Variants in TRIM58 observed in about 807,000 individuals in gnomAD.
TRIM58 encodes the protein tripartite motif containing 58.
TRIM58 carries 38 observed loss-of-function variants against 34.1 expected under a neutral mutation model. The observed-to-expected ratio is 1.12, with a 90% CI of 0.86 to 1.46. TRIM58 has a LOEUF of 1.46. TRIM58 is among the 40% of genes most tolerant of loss of function. The pLI is 0.00. For synonymous variants in TRIM58, 273 were observed against 275.7 expected, an observed-to-expected ratio of 0.99 and a Z score of 0.10; for missense variants, 677 against 642.0, an observed-to-expected ratio of 1.05 and a Z score of -0.59.
chr1:247,858,436 C>T (rs1036135678), intron 1 of TRIM58, among the ~76,000 whole-genome samples: 6 of 152,200 alleles, frequency 3.9e-5, no homozygotes, highest in Admixed American at 2.6e-4. Flanking sequence ...ACTTGAATCC[C>T]AGCATGTAGA....
Position 247,876,824 on chromosome 1 carries a change from A to G in TRIM58, c.*335A>G, listed in dbSNP as rs927216556. On this transcript the variant is annotated 3_prime_UTR_variant, in exon 6 of 6. Transcript: ENST00000366481. ...TTCCTTTCAATATCCTTGTATTTCAAATCTTCCATATAAGAATTAGACATG... is the reference window on the plus strand; with the variant it reads ...TTCCTTTCAATATCCTTGTATTTCAGATCTTCCATATAAGAATTAGACATG... 4.2e-5 allele frequency: 11 copies of G among 260,176 alleles called. No homozygotes were observed. Among genetic ancestry groups the G allele is most frequent in the Non-Finnish European group, 7.4e-5 (10 of 135,700 alleles). 16.1% of individuals were successfully genotyped at this position (260,176 alleles called of 1,614,324 possible). A position where few individuals can be genotyped will look rare whatever the true frequency, so the allele number is the denominator to read the frequency against.
intron 5 of TRIM58, among the ~76,000 whole-genome samples, chr1:247,868,694 C>T (rs1296201620): frequency 6.6e-6 from 1 of 152,180 alleles, no homozygotes; most frequent in East Asian, 1.9e-4. Flanking sequence ...CTTGAGTTCA[C>T]TTAATTTCCT....
At chr1:247,857,801 C>G (rs961970643) in intron 1 of TRIM58, 135 bp downstream of exon 1, 105 of 1,152,922 alleles carry the variant, frequency 9.1e-5, no homozygotes, top group Non-Finnish European at 1.1e-4. Flanking sequence ...CGCCGTCCCC[C>G]CCGCCCACGC....
At chr1:247,861,260 C>G (rs1663787224) in intron 2 of TRIM58, among the ~76,000 whole-genome samples, 1 of 151,792 alleles carries the variant, frequency 6.6e-6, no homozygotes, top group Non-Finnish European at 1.5e-5. Context: ...GTGATTCATA[C>G]ACACACAGTG....
chr1:247,858,254 C>A (rs184021581), intron 1 of TRIM58, among the ~76,000 whole-genome samples: 2 of 152,050 alleles, frequency 1.3e-5, no homozygotes, highest in African/African-American at 2.4e-5. Context: ...ACTTAGGATT[C>A]GAACATCCTC....
intron 5 of TRIM58, among the ~76,000 whole-genome samples, chr1:247,875,649 T>C (rs754286131): frequency 6.6e-6 from 1 of 152,124 alleles, no homozygotes; most frequent in East Asian, 1.9e-4. Flanking sequence ...ATAGTTGTTT[T>C]TTTTTGGGAA....
At chr1:247,860,820 A>C in intron 2 of TRIM58, 108 bp downstream of exon 2, 5 of 820,074 alleles carry the variant, frequency 6.1e-6, no homozygotes, top group Non-Finnish European at 1.0e-5. Flanking sequence ...TTCCATCTCC[A>C]TATATGCCCA....
In TRIM58 at chr1:247,877,631, G is replaced by C. The variant is rs368983580; in HGVS notation, c.*1142G>C. On this transcript the variant is annotated 3_prime_UTR_variant, in exon 6 of 6. Coordinates refer to ENST00000366481, the MANE Select transcript of TRIM58 (RefSeq NM_015431.4). The stretch of plus-strand genomic sequence containing the variant: ...TCTCTCTCTTTTAGCTGCTTGTTAT[G>C]GTTCCTATACATGGAACAATTATAC... The C allele has an allele frequency of 6.6e-6, 1 of 151,828 alleles. No individual in the cohort carries two copies. Among genetic ancestry groups the C allele is most frequent in the African/African-American group, 2.4e-5 (1 of 41,328 alleles). 9.4% of individuals were successfully genotyped at this position (151,828 alleles called of 1,614,324 possible).
intron 3 of TRIM58, 140 bp downstream of exon 3, chr1:247,865,075 A>G: frequency 1.4e-6 from 1 of 739,862 alleles, no homozygotes. Context: ...AAGGCAGCTT[A>G]AACACCCTAG....
rs78689035 is a variant in TRIM58, at chr1:247,863,559, A to C, written c.517-1146A>C. ...TCTCAAAAAAAAGATTAAAAAAAAAACCAGGCAAATGACTTCACCTACAAG... is the reference window on the plus strand; with the variant it reads ...TCTCAAAAAAAAGATTAAAAAAAAACCCAGGCAAATGACTTCACCTACAAG... On this transcript the variant is annotated intron_variant, in intron 2 of 5. Coordinates refer to ENST00000366481, the MANE Select transcript of TRIM58 (RefSeq NM_015431.4). Among the ~76,000 whole-genome samples the C allele has an allele frequency of 2.7e-3, 407 of 152,056 alleles. 1 individual carries two copies. The highest frequency in any genetic ancestry group is 9.1e-3 in the African/African-American group (376 of 41,438).
intron 5 of TRIM58, among the ~76,000 whole-genome samples, chr1:247,871,645 C>G (rs1439454440): frequency 2.6e-5 from 4 of 152,194 alleles, no homozygotes; most frequent in Non-Finnish European, 5.9e-5. Flanking sequence ...ATCGTCATGG[C>G]ACCCTCAGAC....
intron 5 of TRIM58, among the ~76,000 whole-genome samples, chr1:247,873,154 C>T (rs761387311): frequency 1.3e-5 from 2 of 151,998 alleles, no homozygotes; most frequent in Admixed American, 6.6e-5. Flanking sequence ...CACTTGAACC[C>T]GGGAGATGGG....
At position 247,879,486 on chromosome 1, in the gene TRIM58, C is replaced by T. The variant is rs564521255; in HGVS notation, c.*2997C>T. On this transcript the variant is annotated 3_prime_UTR_variant, in exon 6 of 6. Coordinates refer to ENST00000366481, the MANE Select transcript of TRIM58 (RefSeq NM_015431.4). ...CCTTTAGCACCCAAGGATATGTTGG[C>T]ATCACAGTGACTTAGATACCATCAC... is the stretch of plus-strand genomic sequence containing the variant. Among the ~76,000 whole-genome samples the T allele has an allele frequency of 6.6e-6, 1 of 152,142 alleles. No homozygotes were observed. Among genetic ancestry groups the T allele is most frequent in the African/African-American group, 2.4e-5 (1 of 41,426 alleles).
At chr1:247,869,417 C>T (rs1414277632) in intron 5 of TRIM58, among the ~76,000 whole-genome samples, 3 of 152,160 alleles carry the variant, frequency 2.0e-5, no homozygotes, top group Admixed American at 6.5e-5. Flanking sequence ...TAATCACCAA[C>T]CACAATTCAT....
rs1659279760 is a variant in TRIM58 at position 247,876,126 on chromosome 1, A to G, written c.1098A>G (p.Thr366=). The G allele has an allele frequency of 1.2e-6, 2 of 1,614,134 alleles. No homozygotes were observed. Among genetic ancestry groups the G allele is most frequent in the South Asian group, 1.1e-5 (1 of 91,066 alleles). The part of the protein sequence containing the change: ...AEWGLGVCQD[T]LPRKGETTPS... Reference sequence around the variant, plus strand: ...GGGGTTTAGGGGTCTGTCAAGACACACTGCCAAGAAAGGGGGAAACCACGC... The same window carrying G: ...GGGGTTTAGGGGTCTGTCAAGACACGCTGCCAAGAAAGGGGGAAACCACGC... Residue 366 remains threonine, a synonymous_variant, in exon 6 of 6, where the codon ACA becomes ACG. Transcript: ENST00000366481.
intron 2 of TRIM58, among the ~76,000 whole-genome samples, chr1:247,862,310 AT>A (rs1011641535): frequency 1.3e-5 from 2 of 152,196 alleles, no homozygotes; most frequent in Non-Finnish European, 2.9e-5. Context: ...TGACAAACTT[AT>A]CAATATTATT....
intron 3 of TRIM58, among the ~76,000 whole-genome samples, chr1:247,866,270 T>C (rs1663919428): frequency 6.6e-6 from 1 of 152,200 alleles, no homozygotes; most frequent in East Asian, 1.9e-4. Context: ...TCTGTCTCCT[T>C]GGCTCAAGCG....
At chr1:247,860,327 G>T (rs946291082) in intron 1 of TRIM58, among the ~76,000 whole-genome samples, 6 of 152,056 alleles carry the variant, frequency 3.9e-5, no homozygotes, top group African/African-American at 1.4e-4. Flanking sequence ...TGAATGTAAT[G>T]ATGTGTGCCT....
At chr1:247,868,304 A>G (rs1220854007) in intron 5 of TRIM58, among the ~76,000 whole-genome samples, 1 of 152,096 alleles carries the variant, frequency 6.6e-6, no homozygotes, top group African/African-American at 2.4e-5. Flanking sequence ...TCTGTGCCAC[A>G]TCTTCTCACT....
Sources: gnomAD v4.1 joint callset for allele counts (sites outside exome capture counted in the v4.1 genomes callset) on GRCh38, gnomAD v4.1.1 for gene constraint, MANE v1.5 for transcripts, NCBI Gene and HGNC (gene_info 2026-07-23, HGNC 2026-07-21) for gene names.